The following NAALADL2 variants were observed in gnomAD, a reference collection of about 807,000 sequenced individuals.
The protein encoded by NAALADL2 is N-acetylated alpha-linked acidic dipeptidase like 2.
A neutral mutation model predicts 87.2 loss-of-function variants in NAALADL2; 76 were observed. The ratio of observed to expected loss-of-function variants is 0.87; its 90% confidence interval spans 0.72 to 1.05. The LOEUF is 1.05. Ranked by LOEUF, NAALADL2 falls within the 50% of genes least tolerant of loss-of-function variation. NAALADL2 has a pLI of 0.00. For missense variants in NAALADL2, 1,089 were observed against 945.8 expected (o/e 1.15, Z -1.99); for synonymous variants, 354 against 331.0 (o/e 1.07, Z -0.75).
chr3:175,315,821 T>C (rs1759070937), intron 4 of NAALADL2, among the ~76,000 whole-genome samples: 1 of 152,180 alleles, frequency 6.6e-6, no homozygotes, highest in Non-Finnish European at 1.5e-5. Flanking sequence ...AATTAAAATG[T>C]TCTTACTATA....
chr3:175,716,521 G>C (rs945582166), intron 11 of NAALADL2, among the ~76,000 whole-genome samples: 2 of 151,878 alleles, frequency 1.3e-5, no homozygotes, highest in African/African-American at 4.8e-5. Context: ...TTAAGCTGAG[G>C]GTTAAAGGAT....
chr3:175,324,148 T>A (rs750370434), intron 4 of NAALADL2, 27 bp from the exon 5 acceptor site: 1 of 1,608,058 alleles, frequency 6.2e-7, no homozygotes, highest in Non-Finnish European at 8.5e-7. Context: ...ATGATAATAT[T>A]TTTAATAGCT....
chr3:174,461,284 ATAATTTATT>A (rs1357866145), intron 1 of NAALADL2, among the ~76,000 whole-genome samples: 2 of 152,112 alleles, frequency 1.3e-5, no homozygotes, highest in African/African-American at 2.4e-5. Flanking sequence ...TATTTTATGT[ATAATTTATT>A]TGTTTTATTA....
intron 1 of NAALADL2, among the ~76,000 whole-genome samples, chr3:174,991,471 ATT>A (rs56906242): frequency 2.6e-5 from 4 of 151,752 alleles, no homozygotes; most frequent in African/African-American, 9.7e-5. Flanking sequence ...GAGACATTTA[ATT>A]TTTTATTTGA....
intron 2 of NAALADL2, among the ~76,000 whole-genome samples, chr3:175,167,508 A>G (rs1734173594): frequency 6.6e-6 from 1 of 152,050 alleles, no homozygotes; most frequent in Non-Finnish European, 1.5e-5. Flanking sequence ...CGTGTGCAGG[A>G]CTCAGGACCT....
chr3:175,074,847 A>C (rs758648114), intron 1 of NAALADL2, among the ~76,000 whole-genome samples: 17 of 151,952 alleles, frequency 1.1e-4, no homozygotes, highest in Admixed American at 2.6e-4. Context: ...TCTTTCTACT[A>C]TTATGTTAGT....
intron 3 of NAALADL2, among the ~76,000 whole-genome samples, chr3:174,750,127 C>A (rs1242033891): frequency 6.6e-6 from 1 of 152,160 alleles, no homozygotes; most frequent in Non-Finnish European, 1.5e-5. Flanking sequence ...TTATATGCAT[C>A]TTTATGGACA....
chr3:174,563,129 A>C (rs958830892), intron 2 of NAALADL2, among the ~76,000 whole-genome samples: 8 of 151,942 alleles, frequency 5.3e-5, no homozygotes, highest in African/African-American at 1.9e-4. Context: ...GATTTTCCAC[A>C]TGAAAGAGTA....
intron 2 of NAALADL2, among the ~76,000 whole-genome samples, chr3:174,699,463 C>T (rs1221562802): frequency 1.3e-5 from 2 of 149,852 alleles, no homozygotes; most frequent in Non-Finnish European, 3.0e-5. Context: ...CATTGCATTC[C>T]AGCCTGGGCA....
chr3:174,530,550 G>T (rs1282527325), intron 1 of NAALADL2, among the ~76,000 whole-genome samples: 1 of 152,202 alleles, frequency 6.6e-6, no homozygotes, highest in Non-Finnish European at 1.5e-5. Context: ...TCGAGACTGG[G>T]CAATTTACAA....
At chr3:174,530,849 A>G (rs1457945793) in intron 1 of NAALADL2, among the ~76,000 whole-genome samples, 2 of 152,244 alleles carry the variant, frequency 1.3e-5, no homozygotes, top group African/African-American at 4.8e-5. Context: ...CTCCATCTCA[A>G]AACAAAACGA....
At chr3:175,176,949 A>G (rs1214854735) in intron 2 of NAALADL2, among the ~76,000 whole-genome samples, 1 of 152,120 alleles carries the variant, frequency 6.6e-6, no homozygotes, top group East Asian at 1.9e-4. Context: ...AAATTGATAC[A>G]GCAACATTAA....
intron 5 of NAALADL2, among the ~76,000 whole-genome samples, chr3:175,408,450 C>CTT (rs1712852194): frequency 6.6e-6 from 1 of 151,906 alleles, no homozygotes; most frequent in East Asian, 1.9e-4. Context: ...TATATAAAAA[C>CTT]TAACAAATAT....
chr3:174,645,854 C>A (rs1387633244), intron 2 of NAALADL2, among the ~76,000 whole-genome samples: 1 of 152,020 alleles, frequency 6.6e-6, no homozygotes, highest in Non-Finnish European at 1.5e-5. Context: ...TTTTATGGAT[C>A]AAATGGAGAT....
intron 10 of NAALADL2, among the ~76,000 whole-genome samples, chr3:175,590,803 C>A (rs1195240085): frequency 6.6e-6 from 1 of 152,086 alleles, no homozygotes; most frequent in African/African-American, 2.4e-5. Context: ...ACAATGAAAA[C>A]AATTGGAGTT....
At chr3:174,892,921 CAAAAAAA>C (rs35081771) in intron 1 of NAALADL2, among the ~76,000 whole-genome samples, 1 of 108,544 alleles carries the variant, frequency 9.2e-6, no homozygotes, top group Non-Finnish European at 1.9e-5. Context: ...GACTCCAACT[CAAAAAAA>C]AAAAAAAAAA....
chr3:175,664,422 C>T (rs1732680950), intron 11 of NAALADL2, among the ~76,000 whole-genome samples: 1 of 152,048 alleles, frequency 6.6e-6, no homozygotes, highest in South Asian at 2.1e-4. Context: ...TATTAAAGAG[C>T]AGAAACATGC....
intron 12 of NAALADL2, among the ~76,000 whole-genome samples, chr3:175,752,801 T>C (rs9811677): frequency 0.16 from 25,026 of 152,116 alleles, 2,370 homozygotes; most frequent in African/African-American, 0.26. Context: ...AATTCTGTAA[T>C]GTACTTTAGA....
At chr3:174,917,232 A>G (rs1013232851) in intron 1 of NAALADL2, among the ~76,000 whole-genome samples, 3 of 152,170 alleles carry the variant, frequency 2.0e-5, no homozygotes, top group African/African-American at 7.2e-5. Flanking sequence ...AGTTACTACA[A>G]TGATCCTTCA....
Sources: allele counts gnomAD v4.1 joint callset (sites outside exome capture counted in the v4.1 genomes callset), GRCh38; gene constraint gnomAD v4.1.1; transcripts MANE v1.5; gene names NCBI Gene and HGNC (gene_info 2026-07-23, HGNC 2026-07-21).